SLC12A1: variants seen among roughly 807,000 people sequenced by gnomAD.
SLC12A1 encodes Na-K-2Cl cotransporter.
SLC12A1 carries 89 observed loss-of-function variants against 130.4 expected under a neutral mutation model. The ratio of observed to expected loss-of-function variants is 0.68; its 90% CI spans 0.58 to 0.81. The LOEUF (loss-of-function observed/expected upper bound fraction) is 0.81, where lower values mean the gene tolerates loss of function less well. Ranked by LOEUF, SLC12A1 falls within the 40% of genes least tolerant of loss-of-function variation. The pLI is 0.00. For synonymous variants in SLC12A1, 499 were observed against 460.0 expected, an observed-to-expected ratio of 1.08 and a Z score of -1.09; for missense variants, 1,310 against 1,336.4, an observed-to-expected ratio of 0.98 and a Z score of 0.31.
intron 15 of SLC12A1, among the ~76,000 whole-genome samples, chr15:48,254,592 TAAAAAAAAAAAAAAAA>T (rs550686114): frequency 1.3e-3 from 68 of 52,890 alleles, no homozygotes; most frequent in South Asian, 5.4e-3. Context: ...CTTAAATTCG[TAAAAAAAAAAAAAAAA>T]AAAAAAAAAA....
chr15:48,222,317 A>G (rs896678514), intron 4 of SLC12A1: 13 of 152,130 alleles, frequency 8.5e-5, no homozygotes, highest in Non-Finnish European at 1.6e-4. Context: ...TTTAACATCC[A>G]TACGTTTGGG....
chr15:48,207,640 GT>G lies in SLC12A1; in HGVS notation c.-77del. On this transcript the variant is annotated 5_prime_UTR_variant, in exon 2 of 27. Coordinates refer to ENST00000380993, the MANE Select transcript of SLC12A1 (RefSeq NM_000338.3). Reference sequence around the variant, plus strand: ...AGCTCCCTAATGGAAGCACATTAGTGTTTATTTTGATGAAGAAATATATAGA... The same window carrying G: ...AGCTCCCTAATGGAAGCACATTAGTGTTATTTTGATGAAGAAATATATAGA... 1 of 1,259,980 alleles carries G rather than the reference GT, an allele frequency of 7.9e-7. No individual in the cohort carries two copies. Among genetic ancestry groups the G allele is most frequent in the Non-Finnish European group, 1.1e-6 (1 of 937,360 alleles). 78.1% of individuals were successfully genotyped at this position (1,259,980 alleles called of 1,614,324 possible). A position where few individuals can be genotyped will look rare whatever the true frequency, so the allele number is the denominator to read the frequency against.
chr15:48,212,461 G>C (rs973417323), intron 2 of SLC12A1, among the ~76,000 whole-genome samples: 3 of 151,932 alleles, frequency 2.0e-5, no homozygotes, highest in Non-Finnish European at 4.4e-5. Flanking sequence ...ACATACCCTC[G>C]AGATCTTTCC....
intron 17 of SLC12A1, among the ~76,000 whole-genome samples, chr15:48,264,729 A>G: frequency 6.6e-6 from 1 of 152,212 alleles, no homozygotes; most frequent in East Asian, 1.9e-4. Flanking sequence ...AAGACTTTCA[A>G]TGTTAAAAAA....
intron 15 of SLC12A1, among the ~76,000 whole-genome samples, chr15:48,253,931 T>G (rs888693985): frequency 6.6e-6 from 1 of 152,250 alleles, no homozygotes; most frequent in Non-Finnish European, 1.5e-5. Flanking sequence ...ACATCTTATT[T>G]GCCATCCATA....
intron 15 of SLC12A1, among the ~76,000 whole-genome samples, chr15:48,252,816 G>C (rs1374099980): frequency 6.6e-6 from 1 of 152,166 alleles, no homozygotes; most frequent in South Asian, 2.1e-4. Context: ...GTGCGGGGCA[G>C]CATATTTGGG....
intron 17 of SLC12A1, among the ~76,000 whole-genome samples, chr15:48,267,036 A>G (rs540846887): frequency 2.6e-5 from 4 of 152,228 alleles, no homozygotes; most frequent in Non-Finnish European, 5.9e-5. Context: ...GAAAAGTGGT[A>G]TAAGGGTATT....
intron 10 of SLC12A1, among the ~76,000 whole-genome samples, chr15:48,243,475 G>C (rs1011466397): frequency 6.6e-6 from 1 of 152,140 alleles, no homozygotes; most frequent in African/African-American, 2.4e-5. Context: ...GCCCAAGAGG[G>C]TGAAACCCCA....
At chr15:48,244,178 TGACCATGGCCTAGGAAATCTGA>T (rs2041550831) in intron 10 of SLC12A1, among the ~76,000 whole-genome samples, 1 of 152,246 alleles carries the variant, frequency 6.6e-6, no homozygotes, top group East Asian at 1.9e-4. Context: ...CAATATAATT[TGACCATGGCCTAGGAAATCTGA>T]GTATTTTATC....
chr15:48,254,008 G>A (rs1027094980), intron 15 of SLC12A1, among the ~76,000 whole-genome samples: 1 of 152,086 alleles, frequency 6.6e-6, no homozygotes. Flanking sequence ...TTATTATTCA[G>A]TAATGAGAGT....
intron 17 of SLC12A1, among the ~76,000 whole-genome samples, chr15:48,259,688 G>A (rs367749387): frequency 1.3e-5 from 2 of 152,182 alleles, no homozygotes; most frequent in South Asian, 4.1e-4. Flanking sequence ...ATTAACTGAT[G>A]AGGAAAGAAC....
chr15:48,265,146 T>C (rs930841917), intron 17 of SLC12A1, among the ~76,000 whole-genome samples: 2 of 152,222 alleles, frequency 1.3e-5, no homozygotes, highest in African/African-American at 4.8e-5. Context: ...CAGCCTTCCT[T>C]GCTTCACATT....
intron 5 of SLC12A1, chr15:48,227,502 A>G (rs1309937991): frequency 9.0e-6 from 3 of 334,046 alleles, no homozygotes; most frequent in East Asian, 7.6e-5. Context: ...TCCTCTCAGC[A>G]TGGGTCTTCT....
intron 15 of SLC12A1, among the ~76,000 whole-genome samples, chr15:48,253,280 C>T (rs567069159): frequency 3.9e-4 from 59 of 152,296 alleles, no homozygotes; most frequent in South Asian, 3.3e-3. Flanking sequence ...GTGCTGTAAC[C>T]GTCATCAAGA....
intron 24 of SLC12A1, 40 bp from the exon 25 acceptor site, chr15:48,299,100 G>C (rs1386232906): frequency 6.4e-7 from 1 of 1,569,248 alleles, no homozygotes; most frequent in Non-Finnish European, 8.6e-7. Context: ...TAATGAGTTA[G>C]TTTCCCACTG....
intron 7 of SLC12A1, 135 bp downstream of exon 7, chr15:48,230,638 G>A (rs1877909503): frequency 3.1e-6 from 2 of 655,262 alleles, no homozygotes; most frequent in Non-Finnish European, 5.5e-6. Flanking sequence ...GCAAGTGCTA[G>A]GTGGAACACC....
chr15:48,223,731 G>C (rs935425110), intron 4 of SLC12A1: 1 of 152,172 alleles, frequency 6.6e-6, no homozygotes, highest in African/African-American at 2.4e-5. Context: ...ATCACCTTTA[G>C]TGGCACAAGG....
At chr15:48,240,389 C>A (rs1236057078) in intron 9 of SLC12A1, among the ~76,000 whole-genome samples, 2 of 152,014 alleles carry the variant, frequency 1.3e-5, no homozygotes, top group Admixed American at 6.6e-5. Flanking sequence ...TCAGAACAAA[C>A]CCTGTGTACA....
chr15:48,247,129 G>A, intron 12 of SLC12A1, 113 bp downstream of exon 12: 1 of 1,019,730 alleles, frequency 9.8e-7, no homozygotes, highest in Non-Finnish European at 1.5e-6. Context: ...TTCTGAAACA[G>A]TTAATGTTTG....
Sources: allele counts gnomAD v4.1 joint callset (sites outside exome capture counted in the v4.1 genomes callset), GRCh38; gene constraint gnomAD v4.1.1; transcripts MANE v1.5; gene names NCBI Gene and HGNC (gene_info 2026-07-23, HGNC 2026-07-21).